The following BMP1 variants were observed in gnomAD, a reference collection of about 807,000 sequenced individuals.
The protein encoded by BMP1 is mammalian tolloid protein.
Under a neutral mutation model 116.8 loss-of-function variants are expected in BMP1, and 63 were observed. The ratio of observed to expected loss-of-function variants is 0.54; its 90% CI spans 0.44 to 0.67. The LOEUF (loss-of-function observed/expected upper bound fraction) is 0.67, where lower values mean the gene tolerates loss of function less well. BMP1 is among the 30% of genes least tolerant of loss of function. The pLI is 0.00. For missense variants in BMP1, 1,183 were observed against 1,358.9 expected (o/e 0.87, Z 2.04); for synonymous variants, 536 against 533.4 (o/e 1.00, Z -0.07).
At chr8:22,195,718 C>T in intron 13 of BMP1, 131 bp downstream of exon 13, 2 of 1,292,606 alleles carry the variant, frequency 1.5e-6, no homozygotes. Flanking sequence ...TCAATCTTAG[C>T]TCACCATAGC....
chr8:22,209,642 T>A lies in BMP1; in HGVS notation c.2773T>A (p.Phe925Ile), dbSNP rs747758242. ...CTGCGGCTATGACTACATGGAGCTC[T>A]TCGACGGCTACGACAGCACAGCCCC... Reference protein sequence around the residue: ...TDCGYDYMELFDGYDSTAPRL... With the variant: ...TDCGYDYMELIDGYDSTAPRL... Residue 925 changes from phenylalanine to isoleucine, a missense_variant, in exon 19 of 20, where the codon TTC becomes ATC. Phe to Ile is a conservative substitution (Grantham distance 21, BLOSUM62 0). Coordinates refer to ENST00000306385, the MANE Select transcript of BMP1 (RefSeq NM_006129.5). 3.1e-6 allele frequency: 5 copies of A among 1,614,028 alleles called. No individual in the cohort carries two copies. Among genetic ancestry groups the A allele is most frequent in the Non-Finnish European group, 4.2e-6 (5 of 1,179,936 alleles).
At chr8:22,199,490 C>G (rs967359757) in intron 15 of BMP1, 1 of 1,115,446 alleles carries the variant, frequency 9.0e-7, no homozygotes, top group Non-Finnish European at 1.1e-6. Context: ...ACTCCTGCCC[C>G]GGACACTGAA....
chr8:22,206,941 C>G lies in BMP1; in HGVS notation c.2321C>G (p.Thr774Arg). Residue 774 changes from threonine to arginine, a missense_variant, in exon 17 of 20, where the codon ACG becomes AGG. Around this residue, in one of 4 missense-constraint regions of BMP1, gnomAD observed 956 missense variants for 1,135.2 expected, o/e 0.84. Transcript: ENST00000306385. ...AAGTATCCCAGCAAGAAGGAGTGCA[C>G]GTGGGCCATCTCCAGCACCCCCGGG... ...PDKYPSKKECTWAISSTPGHR... is the reference protein window; with the variant it reads ...PDKYPSKKECRWAISSTPGHR... The G allele has an allele frequency of 6.2e-7, 1 of 1,614,202 alleles. No homozygotes were observed. Among genetic ancestry groups the G allele is most frequent in the Non-Finnish European group, 8.5e-7 (1 of 1,180,032 alleles).
chr8:22,189,206 G>A (rs905142245), intron 8 of BMP1, among the ~76,000 whole-genome samples: 3 of 151,936 alleles, frequency 2.0e-5, no homozygotes, highest in Non-Finnish European at 4.4e-5. Context: ...GTATATATGT[G>A]CATGTAAGCA....
rs538577401 is a variant in BMP1 at position 22,176,205 on chromosome 8, T to G, written c.325T>G (p.Cys109Gly). ...CAACGGGCAGCCTCAGAGGGGAGCC[T>G]GTGGGAGATGGAGAGGTAGATCCCG... ...STNGQPQRGA[C>G]GRWRGRSRSR... Residue 109 changes from cysteine to glycine, a missense_variant, in exon 3 of 20, where the codon TGT becomes GGT. By Grantham distance (159) the Cys-to-Gly change is radical. Around this residue, in one of 4 missense-constraint regions of BMP1, gnomAD observed 185 missense variants for 158.9 expected, o/e 1.16. Transcript: ENST00000306385. 5.0e-6 allele frequency: 8 copies of G among 1,614,076 alleles called. No homozygotes were observed. In the South Asian group the frequency reaches 8.8e-5, roughly 18 times the overall value.
chr8:22,187,684 G>C (rs1436665050), intron 8 of BMP1, among the ~76,000 whole-genome samples: 2 of 151,744 alleles, frequency 1.3e-5, no homozygotes, highest in Non-Finnish European at 2.9e-5. Context: ...GGAAATCCTG[G>C]TCCACTTCCC....
At chr8:22,169,202 A>C (rs1828205381) in intron 1 of BMP1, 1 of 150,334 alleles carries the variant, frequency 6.7e-6, no homozygotes, top group African/African-American at 2.4e-5. Flanking sequence ...AAAAAAAAAA[A>C]ATCTAGTTTC....
intron 8 of BMP1, among the ~76,000 whole-genome samples, chr8:22,188,130 T>C (rs1313478486): frequency 6.6e-6 from 1 of 151,222 alleles, no homozygotes; most frequent in African/African-American, 2.4e-5. Context: ...TCTCATTGAA[T>C]CCTCCCAACT....
At chr8:22,202,621 G>T (rs1286796902) in intron 16 of BMP1, among the ~76,000 whole-genome samples, 1 of 152,238 alleles carries the variant, frequency 6.6e-6, no homozygotes, top group Non-Finnish European at 1.5e-5. Context: ...GCCGAGGCAG[G>T]AGGATCGCTT....
chr8:22,167,633 T>G (rs1169109857), intron 1 of BMP1, among the ~76,000 whole-genome samples: 1 of 152,104 alleles, frequency 6.6e-6, no homozygotes, highest in Non-Finnish European at 1.5e-5. Context: ...GCTGGCTGAG[T>G]TGGAGCTTCA....
At chr8:22,183,989 G>C (rs563528914) in intron 8 of BMP1, among the ~76,000 whole-genome samples, 22 of 152,318 alleles carry the variant, frequency 1.4e-4, no homozygotes, top group Admixed American at 3.9e-4. Flanking sequence ...GAAAAATTTA[G>C]TAACTTCTCC....
At chr8:22,209,769 G>C (rs1829428675) in intron 19 of BMP1, 74 bp downstream of exon 19, 1 of 1,522,152 alleles carries the variant, frequency 6.6e-7, no homozygotes, top group Admixed American at 1.7e-5. Context: ...TCTCAGCCCA[G>C]TCTCCAAGAC....
rs116922460 is a variant in BMP1, at chr8:22,192,036, C to T, written c.1078-13C>T. ...CGGGACAGCTTAACCCTCTTCCTCC[C>T]CTGTTGCCCTAGATCATCCTGAACT... On this transcript the variant is annotated splice_polypyrimidine_tract_variant and intron_variant, in intron 8 of 19. Transcript: ENST00000306385. The T allele has an allele frequency of 4.0e-5, 64 of 1,606,360 alleles. No individual in the cohort carries two copies. The highest frequency in any genetic ancestry group is 5.2e-5 in the Non-Finnish European group (61 of 1,173,254).
At chr8:22,209,817 C>G in intron 19 of BMP1, 122 bp downstream of exon 19, 1 of 1,111,644 alleles carries the variant, frequency 9.0e-7, no homozygotes, top group Non-Finnish European at 1.3e-6. Flanking sequence ...GAGTGCAGCA[C>G]GCGTGTGGCC....
At chr8:22,200,714 A>G (rs1342986326) in intron 15 of BMP1, among the ~76,000 whole-genome samples, 3 of 152,088 alleles carry the variant, frequency 2.0e-5, no homozygotes, top group African/African-American at 7.2e-5. Flanking sequence ...TGTCTGTCTA[A>G]CACACTCTGT....
chr8:22,196,033 T>C (rs1055315417), intron 13 of BMP1: 1 of 369,488 alleles, frequency 2.7e-6, no homozygotes, highest in Non-Finnish European at 5.3e-6. Context: ...AAGAAACACA[T>C]GTCACATTGC....
At chr8:22,211,471 G>T (rs973490759) in intron 19 of BMP1, 123 bp from the exon 20 acceptor site, 22 of 1,369,658 alleles carry the variant, frequency 1.6e-5, no homozygotes, top group Non-Finnish European at 2.1e-5. Flanking sequence ...TGCTTCAAGG[G>T]GCGGGGAGAA....
At chr8:22,197,157 C>A in intron 14 of BMP1, 83 bp from the exon 15 acceptor site, 1 of 1,522,734 alleles carries the variant, frequency 6.6e-7, no homozygotes, top group Non-Finnish European at 8.9e-7. Flanking sequence ...AAAGGATGTG[C>A]AGAACAGAGA....
intron 6 of BMP1, among the ~76,000 whole-genome samples, chr8:22,178,275 T>C (rs1383839355): frequency 6.6e-6 from 1 of 152,232 alleles, no homozygotes; most frequent in African/African-American, 2.4e-5. Context: ...GAGCTTTTAT[T>C]TGTGGGCCAT....
Sources: allele counts gnomAD v4.1 joint callset (sites outside exome capture counted in the v4.1 genomes callset), GRCh38; gene constraint gnomAD v4.1.1; regional missense constraint gnomAD v4.1.1; transcripts MANE v1.5; gene names NCBI Gene and HGNC (gene_info 2026-07-23, HGNC 2026-07-21).